The following PTPRT variants were observed in gnomAD, a reference collection of about 807,000 sequenced individuals.
PTPRT encodes receptor-type tyrosine-protein phosphatase T.
PTPRT carries 56 observed loss-of-function variants against 176.8 expected under a neutral mutation model. That is an observed-to-expected ratio of 0.32 (90% CI 0.26 to 0.40). PTPRT has a LOEUF of 0.40. Among genes scored for constraint, PTPRT ranks in the 10% least tolerant of loss-of-function variants. The probability of loss-of-function intolerance (pLI) is 1.00; values close to 1 mark genes in which losing one functional copy is unlikely to be tolerated. For missense variants in PTPRT, 1,540 were observed against 1,908.2 expected (o/e 0.81, Z 3.60); for synonymous variants, 783 against 739.0 (o/e 1.06, Z -0.96).
chr20:42,491,624 C>T lies in PTPRT; in HGVS notation c.1154-19062G>A, dbSNP rs573462581. 7.2e-5 allele frequency among the ~76,000 whole-genome samples: 11 copies of T among 152,238 alleles called. No homozygotes were observed. In the East Asian group the frequency reaches 2.1e-3, roughly 29 times the overall value. ...TGCCATGTAAGGACACAGCGTTTGT[C>T]CACCCTGGATGATAAAGCAACAGCG... On this transcript the variant is annotated intron_variant, in intron 7 of 30. Transcript: ENST00000373187.
chr20:42,425,198 G>A (rs184651954), intron 9 of PTPRT, among the ~76,000 whole-genome samples: 25 of 152,156 alleles, frequency 1.6e-4, no homozygotes, highest in Non-Finnish European at 2.1e-4. Context: ...TGCCTGGAGC[G>A]TGAGATGCAC....
the PTPRT span, among the ~76,000 whole-genome samples, chr20:42,058,039 T>C: frequency 5.3e-5 from 8 of 152,114 alleles, no homozygotes. Flanking sequence ...ATGTTGGAAA[T>C]GGAGTCACAC....
intron 6 of PTPRT, among the ~76,000 whole-genome samples, chr20:42,744,013 G>C (rs1476289147): frequency 1.3e-5 from 2 of 152,338 alleles, no homozygotes; most frequent in African/African-American, 4.8e-5. Flanking sequence ...CCGGTAGGTG[G>C]ACCAACTGGC....
At chr20:42,172,477 G>A (rs1191351748) in intron 16 of PTPRT, among the ~76,000 whole-genome samples, 2 of 152,232 alleles carry the variant, frequency 1.3e-5, no homozygotes, top group African/African-American at 4.8e-5. Context: ...TCTGATGGAC[G>A]TGGTCAGGGT....
chr20:42,330,487 A>G (rs2057951396), intron 11 of PTPRT, among the ~76,000 whole-genome samples: 1 of 151,996 alleles, frequency 6.6e-6, no homozygotes, highest in Non-Finnish European at 1.5e-5. Context: ...AAAAAATAAA[A>G]TAAATAAAAA....
At chr20:42,781,648 GT>G (rs1329217429) in intron 3 of PTPRT, among the ~76,000 whole-genome samples, 3 of 152,060 alleles carry the variant, frequency 2.0e-5, no homozygotes, top group Non-Finnish European at 1.5e-5. Context: ...ATCCAGTTGT[GT>G]TTCAGTAACA....
intron 1 of PTPRT, among the ~76,000 whole-genome samples, chr20:43,171,830 C>T (rs946023156): frequency 5.3e-5 from 8 of 152,304 alleles, no homozygotes; most frequent in African/African-American, 1.9e-4. Flanking sequence ...TTGAGGAACA[C>T]AACCATACCA....
At chr20:42,359,056 A>G (rs1289308223) in intron 9 of PTPRT, among the ~76,000 whole-genome samples, 1 of 152,208 alleles carries the variant, frequency 6.6e-6, no homozygotes, top group African/African-American at 2.4e-5. Context: ...AAACAGCATC[A>G]GCACCACCTG....
chr20:42,352,773 TCTATCGA>T (rs2058304360), intron 9 of PTPRT, among the ~76,000 whole-genome samples: 1 of 152,182 alleles, frequency 6.6e-6, no homozygotes, highest in Non-Finnish European at 1.5e-5. Context: ...GGACACCCCA[TCTATCGA>T]GATATGATTA....
intron 7 of PTPRT, among the ~76,000 whole-genome samples, chr20:42,633,691 C>T: frequency 7.0e-6 from 1 of 142,350 alleles, no homozygotes; most frequent in Non-Finnish European, 1.5e-5. Flanking sequence ...GTGGCTGAGG[C>T]ACGAGAATTG....
chr20:42,782,355 C>A (rs1317227004), intron 3 of PTPRT, among the ~76,000 whole-genome samples: 2 of 152,184 alleles, frequency 1.3e-5, no homozygotes, highest in Non-Finnish European at 2.9e-5. Flanking sequence ...AGACCTTTCA[C>A]CCACACATCC....
chr20:42,138,096 C>A (rs1988456997), intron 18 of PTPRT, among the ~76,000 whole-genome samples: 1 of 152,226 alleles, frequency 6.6e-6, no homozygotes, highest in Admixed American at 6.5e-5. Flanking sequence ...ACTCTGTCCT[C>A]AGAATTTCTG....
intron 7 of PTPRT, among the ~76,000 whole-genome samples, chr20:42,599,860 C>T (rs2073744716): frequency 1.3e-5 from 2 of 152,180 alleles, no homozygotes; most frequent in South Asian, 4.1e-4. Flanking sequence ...TTGCACAGCT[C>T]AGGTTCTGCC....
chr20:42,437,260 T>A (rs2059270421), intron 9 of PTPRT, among the ~76,000 whole-genome samples: 1 of 152,160 alleles, frequency 6.6e-6, no homozygotes, highest in Admixed American at 6.5e-5. Context: ...GTGAGATTAA[T>A]CTCATTTTGG....
chr20:42,509,006 T>C (rs868030693), intron 7 of PTPRT, among the ~76,000 whole-genome samples: 6 of 112,342 alleles, frequency 5.3e-5, no homozygotes, highest in East Asian at 5.2e-4. Flanking sequence ...AGATATAAAT[T>C]ATATAATTTA....
intron 9 of PTPRT, among the ~76,000 whole-genome samples, chr20:42,400,731 G>T (rs2058897567): frequency 6.6e-6 from 1 of 152,200 alleles, no homozygotes; most frequent in Non-Finnish European, 1.5e-5. Context: ...GAAAGGTCTT[G>T]TTGGTCACAC....
chr20:42,634,919 C>T (rs547313523), intron 7 of PTPRT, among the ~76,000 whole-genome samples: 22 of 152,060 alleles, frequency 1.4e-4, no homozygotes, highest in African/African-American at 4.1e-4. Context: ...TTTTTTATTT[C>T]CAGTTCCAAA....
chr20:42,711,824 C>T (rs2076148861), intron 6 of PTPRT, among the ~76,000 whole-genome samples: 1 of 151,300 alleles, frequency 6.6e-6, no homozygotes, highest in Admixed American at 6.6e-5. Flanking sequence ...TAGCTTTAAG[C>T]TACTCTCCCC....
At chr20:42,913,898 A>C (rs997761596) in intron 1 of PTPRT, among the ~76,000 whole-genome samples, 8 of 152,324 alleles carry the variant, frequency 5.3e-5, no homozygotes, top group African/African-American at 1.9e-4. Flanking sequence ...CCTTTTTGAG[A>C]CTATTGAACT....
Sources: gnomAD v4.1 joint callset for allele counts (sites outside exome capture counted in the v4.1 genomes callset) on GRCh38, gnomAD v4.1.1 for gene constraint, MANE v1.5 for transcripts, NCBI Gene and HGNC (gene_info 2026-07-23, HGNC 2026-07-21) for gene names.